TRPM3: variants seen among roughly 807,000 people sequenced by gnomAD.
TRPM3 encodes the protein long transient receptor potential channel 3.
Under a neutral mutation model 181.2 loss-of-function variants are expected in TRPM3, and 77 were observed. That is an observed-to-expected ratio of 0.42 (90% CI 0.35 to 0.51). The LOEUF is 0.51. TRPM3 is among the 20% of genes least tolerant of loss of function. TRPM3 has a pLI of 0.01. For missense variants in TRPM3, 1,759 were observed against 2,196.7 expected (o/e 0.80, Z 3.98); for synonymous variants, 745 against 796.4 (o/e 0.94, Z 1.09).
intron 1 of TRPM3, among the ~76,000 whole-genome samples, chr9:71,128,829 A>C (rs2074206009): frequency 2.6e-5 from 4 of 152,216 alleles, no homozygotes; most frequent in Non-Finnish European, 5.9e-5. Flanking sequence ...TTTCTTGGCC[A>C]ATGGATACCC....
chr9:70,615,688 GCTGCAAGA>G (rs1296249778), intron 18 of TRPM3, among the ~76,000 whole-genome samples: 1 of 152,192 alleles, frequency 6.6e-6, no homozygotes, highest in Non-Finnish European at 1.5e-5. Flanking sequence ...CCACTAGCTG[GCTGCAAGA>G]CTTCACATAT....
chr9:71,187,863 A>G (rs2077766251), intron 1 of TRPM3, among the ~76,000 whole-genome samples: 1 of 151,644 alleles, frequency 6.6e-6, no homozygotes, highest in Non-Finnish European at 1.5e-5. Flanking sequence ...CTCTGAACAT[A>G]TCTTCAAGAC....
At chr9:71,132,585 T>A (rs890194286) in intron 1 of TRPM3, among the ~76,000 whole-genome samples, 3 of 148,308 alleles carry the variant, frequency 2.0e-5, no homozygotes, top group Non-Finnish European at 4.5e-5. Flanking sequence ...TTCACCAAAC[T>A]ATAAACTCAA....
chr9:70,766,655 T>C (rs2079189732), intron 7 of TRPM3, among the ~76,000 whole-genome samples: 1 of 152,244 alleles, frequency 6.6e-6, no homozygotes. Flanking sequence ...TAAAGTTGCA[T>C]GTCTTGCCTG....
chr9:70,630,110 T>C (rs747882294), intron 12 of TRPM3, among the ~76,000 whole-genome samples: 2 of 152,140 alleles, frequency 1.3e-5, no homozygotes, highest in Non-Finnish European at 2.9e-5. Context: ...GAGGGGAACT[T>C]ATGGATACTC....
intron 1 of TRPM3, among the ~76,000 whole-genome samples, chr9:71,236,858 C>T (rs896268417): frequency 4.6e-5 from 7 of 151,988 alleles, no homozygotes; most frequent in African/African-American, 1.7e-4. Flanking sequence ...GCTAGCCTGG[C>T]CAACATGGCG....
At chr9:71,013,366 T>C (rs2097760743) in intron 1 of TRPM3, among the ~76,000 whole-genome samples, 1 of 152,108 alleles carries the variant, frequency 6.6e-6, no homozygotes, top group Non-Finnish European at 1.5e-5. Context: ...ATTACATCTA[T>C]ATATGAGACC....
At chr9:70,926,721 T>C (rs371574346) in intron 1 of TRPM3, among the ~76,000 whole-genome samples, 1 of 152,240 alleles carries the variant, frequency 6.6e-6, no homozygotes, top group Non-Finnish European at 1.5e-5. Flanking sequence ...TTTAGTATTC[T>C]GCATAGATGC....
intron 1 of TRPM3, among the ~76,000 whole-genome samples, chr9:71,251,374 T>C (rs1430823009): frequency 6.6e-6 from 1 of 152,214 alleles, no homozygotes; most frequent in African/African-American, 2.4e-5. Flanking sequence ...TCTGAGTTCA[T>C]CTTCTCTACA....
chr9:70,928,073 TGGATATTTA>T (rs2096739129), intron 1 of TRPM3, among the ~76,000 whole-genome samples: 1 of 152,218 alleles, frequency 6.6e-6, no homozygotes, highest in Admixed American at 6.5e-5. Context: ...GTAGGCCATC[TGGATATTTA>T]GGTAATAGGG....
chr9:71,326,407 T>C (rs2089683678), intron 1 of TRPM3, among the ~76,000 whole-genome samples: 1 of 152,226 alleles, frequency 6.6e-6, no homozygotes, highest in African/African-American at 2.4e-5. Flanking sequence ...TGTATGTGTA[T>C]ATGCATGCAT....
intron 1 of TRPM3, among the ~76,000 whole-genome samples, chr9:71,096,655 A>C (rs1210452214): frequency 1.4e-5 from 2 of 148,118 alleles, no homozygotes; most frequent in African/African-American, 2.6e-5. Flanking sequence ...ATGTTGAAGG[A>C]GGTACAAGGT....
chr9:70,974,630 G>A (rs62543212), intron 1 of TRPM3, among the ~76,000 whole-genome samples: 43,379 of 151,432 alleles, frequency 0.29, 6,250 homozygotes, highest in East Asian at 0.36. Context: ...TCAGGAGGAT[G>A]AGGCGGGAGA....
chr9:70,809,499 ATACT>A (rs2131375169), intron 6 of TRPM3, among the ~76,000 whole-genome samples: 1 of 152,308 alleles, frequency 6.6e-6, no homozygotes, highest in South Asian at 2.1e-4. Flanking sequence ...AGATACACAA[ATACT>A]TACCATCGTG....
rs570529884 is a variant in TRPM3, at chr9:70,990,788, A to G, written c.178-126277T>C. Reference sequence around the variant, plus strand: ...CTCTGGCGGAACAAATTTTAGAACTACTAAGTTTTCTTCTTGCCATGTTCC... The same window carrying G: ...CTCTGGCGGAACAAATTTTAGAACTGCTAAGTTTTCTTCTTGCCATGTTCC... On this transcript the variant is annotated intron_variant, in intron 1 of 25. Transcript: ENST00000677713. Among the ~76,000 whole-genome samples, 40 of 152,132 alleles carry G rather than the reference A, an allele frequency of 2.6e-4. 1 individual carries two copies. The highest frequency in any genetic ancestry group is 2.2e-3 in the Admixed American group (33 of 15,286).
intron 1 of TRPM3, among the ~76,000 whole-genome samples, chr9:71,427,887 T>G (rs2093892154): frequency 6.6e-6 from 1 of 151,952 alleles, no homozygotes; most frequent in African/African-American, 2.4e-5. Flanking sequence ...GTAACAAACC[T>G]GCACACGTAC....
chr9:71,065,838 A>G (rs1398411841), intron 1 of TRPM3, among the ~76,000 whole-genome samples: 5 of 152,178 alleles, frequency 3.3e-5, no homozygotes, highest in Non-Finnish European at 5.9e-5. Flanking sequence ...ACAGTAGGAG[A>G]GCAGCAACAC....
intron 9 of TRPM3, among the ~76,000 whole-genome samples, chr9:70,650,716 C>T (rs1480204633): frequency 6.6e-6 from 1 of 152,050 alleles, no homozygotes; most frequent in African/African-American, 2.4e-5. Flanking sequence ...TTTTTGTTCG[C>T]ATTTCTATCC....
intron 1 of TRPM3, among the ~76,000 whole-genome samples, chr9:71,085,874 C>G (rs980733459): frequency 1.3e-5 from 2 of 152,062 alleles, no homozygotes; most frequent in Non-Finnish European, 2.9e-5. Context: ...ACAAATTGTT[C>G]AACCAAAAAA....
Sources: gnomAD v4.1 joint callset for allele counts (sites outside exome capture counted in the v4.1 genomes callset) on GRCh38, gnomAD v4.1.1 for gene constraint, MANE v1.5 for transcripts, NCBI Gene and HGNC (gene_info 2026-07-23, HGNC 2026-07-21) for gene names.